NDRG2: variants seen among roughly 807,000 people sequenced by gnomAD.
The protein encoded by NDRG2 is NDRG family member 2.
A neutral mutation model predicts 58.2 loss-of-function variants in NDRG2; 34 were observed. The observed-to-expected ratio is 0.58, with a 90% confidence interval of 0.44 to 0.78. NDRG2 has a LOEUF of 0.78. NDRG2 is among the 30% of genes least tolerant of loss of function. The pLI is 0.00. For synonymous variants in NDRG2, 187 were observed against 175.9 expected (o/e 1.06, Z -0.50); for missense variants, 434 against 471.2 (o/e 0.92, Z 0.73).
chr14:21,020,708 A>C (rs1879685835), intron 7 of NDRG2, 76 bp downstream of exon 7: 1 of 1,600,644 alleles, frequency 6.2e-7, no homozygotes. Context: ...TTCCTCCCCC[A>C]AACAGCACTA....
chr14:21,060,132 C>A (rs1885882885), intron 1 of NDRG2, among the ~76,000 whole-genome samples: 1 of 152,148 alleles, frequency 6.6e-6, no homozygotes, highest in African/African-American at 2.4e-5. Flanking sequence ...AGAGAGTTTC[C>A]TACACAGGCT....
Position 21,021,119 on chromosome 14 carries a change from G to A in NDRG2, c.408-275C>T, listed in dbSNP as rs1275085888. 8.3e-6 allele frequency: 5 copies of A among 605,610 alleles called. No individual in the cohort carries two copies. The East Asian group carries it at 1.8e-4, about 21-fold the overall frequency. The allele number at this position is 605,610 out of a possible 1,614,324, so 37.5% of individuals were successfully genotyped here. ...CCATCCACCAGCCAACCAACACACT[G>A]TTTTCCCATATAGATAGCTCTTTGT... On this transcript the variant is annotated intron_variant, in intron 6 of 15. Transcript: ENST00000556147.
Position 21,019,974 on chromosome 14 carries a change from T to C in NDRG2, c.558A>G (p.Leu186=). The C allele has an allele frequency of 1.9e-6, 3 of 1,613,656 alleles. No homozygotes were observed. Among genetic ancestry groups the C allele is most frequent in the South Asian group, 1.1e-5 (1 of 91,032 alleles). The part of the protein sequence containing the change: ...KGWMDWAAHK[L]TGLTSSIPEM... ...CCGGAATGGAAGAGGTGAGGCCTGT[T>C]AGCTATGAGGAGAAGGCAGGTGAGA... Residue 186 remains leucine, a splice_region_variant and synonymous_variant, in exon 9 of 16, where the codon CTA becomes CTG. Coordinates refer to ENST00000556147, the MANE Select transcript of NDRG2 (RefSeq NM_001320329.2).
At chr14:21,023,470 C>T in intron 1 of NDRG2, 149 bp from the exon 2 acceptor site, 1 of 656,202 alleles carries the variant, frequency 1.5e-6, no homozygotes, top group Non-Finnish European at 2.6e-6. Context: ...GAGGGCCTTT[C>T]CTGCCCCCAG....
In NDRG2 at chr14:21,022,186, A is replaced by C; in HGVS notation, c.224-4T>G. 1 of 1,614,176 alleles carries C rather than the reference A, an allele frequency of 6.2e-7. No individual in the cohort carries two copies. Among genetic ancestry groups the C allele is most frequent in the Non-Finnish European group, 8.5e-7 (1 of 1,180,032 alleles). ...AGTGGCTGGAAGCAAGATTTATCTA[A>C]AGAGAACCCACATCACCTCAACAAT... On this transcript the variant is annotated splice_region_variant and splice_polypyrimidine_tract_variant and intron_variant, in intron 4 of 15. Coordinates refer to ENST00000556147, the MANE Select transcript of NDRG2 (RefSeq NM_001320329.2).
Position 21,024,555 on chromosome 14 carries a change from A to G in NDRG2, c.-532T>C. 1.0e-6 allele frequency: 1 copy of G among 985,470 alleles called. No individual in the cohort carries two copies. Among genetic ancestry groups the G allele is most frequent in the Non-Finnish European group, 1.2e-6 (1 of 829,956 alleles). 61.0% of individuals were successfully genotyped at this position (985,470 alleles called of 1,614,324 possible). ...ATGGCTGTTTCCCTCCACAATTTAA[A>G]AACAAACACAAAGATTGGTGCCGTC... On this transcript the variant is annotated 5_prime_UTR_variant, in exon 1 of 16. Coordinates refer to ENST00000556147, the MANE Select transcript of NDRG2 (RefSeq NM_001320329.2).
chr14:21,026,930 G>T (rs1166584222), upstream of NDRG2, among the ~76,000 whole-genome samples: 7 of 151,756 alleles, frequency 4.6e-5, no homozygotes, highest in Non-Finnish European at 1.0e-4. Flanking sequence ...AGGAACCTGG[G>T]GAGAGGGAGA....
chr14:21,023,075 G>A (rs777417152), intron 2 of NDRG2, 166 bp downstream of exon 2: 3 of 946,950 alleles, frequency 3.2e-6, no homozygotes, highest in Non-Finnish European at 5.0e-6. Context: ...GTAGTGACGA[G>A]ACAAGGGCCT....
intron 1 of NDRG2, chr14:21,032,894 G>T: frequency 4.4e-6 from 2 of 454,142 alleles, no homozygotes; most frequent in South Asian, 3.1e-5. Context: ...GAGGGGGCTC[G>T]TGTGCCCTTC....
At chr14:21,065,169 C>CA (rs56361526) in intron 1 of NDRG2, among the ~76,000 whole-genome samples, 8,317 of 135,132 alleles carry the variant, frequency 0.062, 282 homozygotes, top group Middle Eastern at 0.094. Flanking sequence ...AACTCCATCT[C>CA]AAAAAAAAAA....
At chr14:21,035,672 G>A (rs1234781160) in intron 1 of NDRG2, 1 of 428,722 alleles carries the variant, frequency 2.3e-6, no homozygotes, top group Non-Finnish European at 4.7e-6. Context: ...GCCGCAGAGA[G>A]AAAGATTGGT....
intron 1 of NDRG2, among the ~76,000 whole-genome samples, chr14:21,056,031 G>T (rs917581145): frequency 7.2e-5 from 11 of 152,134 alleles, no homozygotes; most frequent in Non-Finnish European, 1.3e-4. Flanking sequence ...GGCAAACAAG[G>T]CTCCTCCACC....
At chr14:21,039,507 T>C (rs556196998) in intron 1 of NDRG2, among the ~76,000 whole-genome samples, 1 of 152,216 alleles carries the variant, frequency 6.6e-6, no homozygotes, top group Non-Finnish European at 1.5e-5. Flanking sequence ...CTGAATCTTT[T>C]TGTTCTTCCT....
chr14:21,041,200 G>A (rs1347210428), intron 1 of NDRG2, among the ~76,000 whole-genome samples: 1 of 152,114 alleles, frequency 6.6e-6, no homozygotes, highest in African/African-American at 2.4e-5. Flanking sequence ...TCGCCACATT[G>A]CCCAGGCTGG....
chr14:21,019,054 G>A, intron 11 of NDRG2, 62 bp downstream of exon 11: 1 of 1,511,402 alleles, frequency 6.6e-7, no homozygotes, highest in Non-Finnish European at 9.0e-7. Context: ...TTCTTCTAAG[G>A]GACACAAGCT....
At position 21,022,444 on chromosome 14, in the gene NDRG2, G is replaced by T. The variant is rs1455066473; in HGVS notation, c.171C>A (p.Thr57=). The T allele has an allele frequency of 3.1e-6, 5 of 1,614,106 alleles. No homozygotes were observed. In the East Asian group the frequency reaches 1.1e-4, roughly 36 times the overall value. Residue 57 remains threonine (T), a synonymous_variant, in exon 4 of 16, where the codon ACC becomes ACA. Transcript: ENST00000556147. ...GGATCGCTGGGCGTTTGGGTTTGGG[G>T]GTGCCATAGACAGTGAAAGTGACAG... ...YGSVTFTVYG[T]PKPKRPAILT... is the part of the protein sequence containing the mutation.
chr14:21,065,128 A>G, intron 1 of NDRG2, among the ~76,000 whole-genome samples: 1 of 151,716 alleles, frequency 6.6e-6, no homozygotes, highest in Non-Finnish European at 1.5e-5. Flanking sequence ...TCGAGATTGT[A>G]CCACTGCACT....
chr14:21,070,355 CG>C lies in NDRG2; in HGVS notation c.24+472del. 1 of 1,409,226 alleles carries C rather than the reference CG, an allele frequency of 7.1e-7. No individual in the cohort carries two copies. Among genetic ancestry groups the C allele is most frequent in the Non-Finnish European group, 9.2e-7 (1 of 1,087,832 alleles). The allele number at this position is 1,409,226 out of a possible 1,614,324, so 87.3% of individuals were successfully genotyped here. On this transcript the variant is annotated intron_variant, in intron 1 of 14. Coordinates refer to the NDRG2 transcript ENST00000403829. The surrounding 1 kb of genome is among the most constrained non-coding windows in gnomAD (Gnocchi z 4.7). ...AGGGAGGCGGTGGCGCGCCCGGCCC[CG>C]CCCGCCCGACCAAGCGTCGGACGCG...
Position 21,053,396 on chromosome 14 carries a change from G to A in NDRG2, c.24+17432C>T, listed in dbSNP as rs912057064. On this transcript the variant is annotated intron_variant, in intron 1 of 14. Transcript: ENST00000403829. The stretch of plus-strand genomic sequence containing the variant: ...TCATCCCAGCACTTGGGGAGGCCGA[G>A]GCAGGTGGCTCATGAGGTCAGGAGT... 2.0e-5 allele frequency among the ~76,000 whole-genome samples: 3 copies of A among 152,144 alleles called. No individual in the cohort carries two copies. The South Asian group carries it at 6.2e-4, about 31-fold the overall frequency.
Sources: allele counts gnomAD v4.1 joint callset (sites outside exome capture counted in the v4.1 genomes callset), GRCh38; gene constraint gnomAD v4.1.1; non-coding constraint Gnocchi (gnomAD v3.1); transcripts MANE v1.5; gene names NCBI Gene and HGNC (gene_info 2026-07-23, HGNC 2026-07-21).